Variants in SYTL5 observed in about 807,000 individuals in gnomAD.
SYTL5 encodes synaptotagmin like 5.
A neutral mutation model predicts 55.9 loss-of-function variants in SYTL5; 34 were observed. That is an observed-to-expected ratio of 0.61 (90% CI 0.46 to 0.81). The LOEUF (loss-of-function observed/expected upper bound fraction) is 0.81. SYTL5 is among the 30% of genes least tolerant of loss of function. The pLI is 0.00. For missense variants in SYTL5, 637 were observed against 546.7 expected (o/e 1.17, Z -1.65); for synonymous variants, 221 against 188.7 (o/e 1.17, Z -1.40).
intron 3 of SYTL5, among the ~76,000 whole-genome samples, chrX:38,060,216 T>C (rs1439029658): frequency 8.9e-6 from 1 of 112,137 alleles, no homozygotes; most frequent in Non-Finnish European, 1.9e-5. Flanking sequence ...GTACGGATGA[T>C]AACTAGAGGC....
intron 1 of SYTL5, among the ~76,000 whole-genome samples, chrX:38,008,475 G>T (rs929334836): frequency 1.8e-5 from 2 of 111,517 alleles, no homozygotes; most frequent in African/African-American, 6.5e-5. Context: ...CAGCAAAAAA[G>T]CAGATGGTGC....
At chrX:38,111,712 G>A (rs1453882854) in intron 13 of SYTL5, among the ~76,000 whole-genome samples, 1 of 112,107 alleles carries the variant, frequency 8.9e-6, no homozygotes, top group Non-Finnish European at 1.9e-5. Flanking sequence ...CAGAAGAGGA[G>A]AGTTCCTCCT....
chrX:38,024,430 A>C (rs780885101), intron 1 of SYTL5, among the ~76,000 whole-genome samples: 4 of 110,873 alleles, frequency 3.6e-5, no homozygotes, highest in Admixed American at 9.6e-5. Context: ...CTTTTTTTTT[A>C]AATAAATTAC....
At chrX:37,947,535 T>A in the SYTL5 span, among the ~76,000 whole-genome samples, 1 of 112,120 alleles carries the variant, frequency 8.9e-6, no homozygotes, top group East Asian at 2.8e-4. Context: ...TGCGGAACTG[T>A]GAGTCATGTA....
chrX:37,964,240 C>A, the SYTL5 span, among the ~76,000 whole-genome samples: 4 of 111,804 alleles, frequency 3.6e-5, no homozygotes, highest in South Asian at 3.8e-4. Context: ...AGAGAGCAGA[C>A]CTTCACTAGA....
chrX:38,045,565 A>C (rs1480130406), intron 2 of SYTL5, among the ~76,000 whole-genome samples: 1 of 111,836 alleles, frequency 8.9e-6, no homozygotes, highest in Non-Finnish European at 1.9e-5. Context: ...TAATATCAGG[A>C]AGTTTCTTCT....
At chrX:38,087,127 C>T (rs970055376) in intron 6 of SYTL5, among the ~76,000 whole-genome samples, 2 of 111,322 alleles carry the variant, frequency 1.8e-5, no homozygotes, top group African/African-American at 6.5e-5. Flanking sequence ...CAAGCAGAAA[C>T]ACCCACATGA....
intron 10 of SYTL5, chrX:38,103,010 G>A (rs1937120023): frequency 8.9e-7 from 1 of 1,125,044 alleles, no homozygotes; most frequent in Non-Finnish European, 1.2e-6. Context: ...TTGATCTTTG[G>A]ATGACTTCTC....
At chrX:37,936,975 G>A in the SYTL5 span, among the ~76,000 whole-genome samples, 2 of 107,481 alleles carry the variant, frequency 1.9e-5, no homozygotes, top group African/African-American at 6.8e-5. Flanking sequence ...GCTTGAACCC[G>A]GGAGGCGAAG....
chrX:38,077,591 T>C (rs1172007334), intron 6 of SYTL5, among the ~76,000 whole-genome samples: 2 of 110,913 alleles, frequency 1.8e-5, no homozygotes, highest in Non-Finnish European at 3.8e-5. Flanking sequence ...TCATGGTGAC[T>C]CTCCATAGCT....
At chrX:38,094,516 C>G (rs1317140016) in intron 8 of SYTL5, 92 bp downstream of exon 8, 5 of 982,477 alleles carry the variant, frequency 5.1e-6, no homozygotes, top group Non-Finnish European at 6.9e-6. Flanking sequence ...GATGTTTCAT[C>G]CTTTAAAAAA....
the SYTL5 span, among the ~76,000 whole-genome samples, chrX:37,906,774 T>C: frequency 2.9e-4 from 33 of 112,297 alleles, no homozygotes; most frequent in Non-Finnish European, 9.4e-5. Flanking sequence ...TAGAAGACTA[T>C]TGCTGGTTTT....
At chrX:38,025,466 T>C (rs1191990883) in intron 1 of SYTL5, among the ~76,000 whole-genome samples, 1 of 112,000 alleles carries the variant, frequency 8.9e-6, no homozygotes, top group Non-Finnish European at 1.9e-5. Flanking sequence ...CCACATCTTT[T>C]TGATAATCAG....
chrX:38,049,093 TA>T (rs1480765261), intron 2 of SYTL5, among the ~76,000 whole-genome samples: 1 of 111,222 alleles, frequency 9.0e-6, no homozygotes, highest in African/African-American at 3.3e-5. Context: ...GCTGTGACAT[TA>T]TTCTGCCCGC....
chrX:38,071,263 G>A (rs969403519), intron 3 of SYTL5, among the ~76,000 whole-genome samples: 1 of 111,699 alleles, frequency 9.0e-6, no homozygotes, highest in East Asian at 2.8e-4. Context: ...AGCATTTCAG[G>A]AGGGAAGATG....
chrX:37,893,664 A>ATATATATAATCTATAGATAAACTATAGAT, the SYTL5 span, among the ~76,000 whole-genome samples: 1 of 57,117 alleles, frequency 1.8e-5, no homozygotes, highest in African/African-American at 1.9e-4. Flanking sequence ...TATAAAATCT[A>ATATATATAATCTATAGATAAACTATAGAT]TATATATAAT....
At chrX:37,997,574 C>A in the SYTL5 span, among the ~76,000 whole-genome samples, 3 of 112,666 alleles carry the variant, frequency 2.7e-5, no homozygotes, top group African/African-American at 9.7e-5. Context: ...GCTGACACAC[C>A]AGTTCCCTGC....
the SYTL5 span, among the ~76,000 whole-genome samples, chrX:37,987,254 G>T: frequency 3.6e-5 from 4 of 111,685 alleles, no homozygotes; most frequent in Admixed American, 3.8e-4. Flanking sequence ...TTGTCCTCTG[G>T]CTACTTTTTG....
intron 2 of SYTL5, among the ~76,000 whole-genome samples, chrX:38,049,552 A>T (rs5964291): frequency 0.41 from 44,475 of 109,659 alleles, 8,859 homozygotes; most frequent in African/African-American, 0.76. Context: ...TCCCAGCTTC[A>T]GGAAAAAGAG....
Sources: allele counts gnomAD v4.1 joint callset (sites outside exome capture counted in the v4.1 genomes callset), GRCh38; gene constraint gnomAD v4.1.1; transcripts MANE v1.5; gene names NCBI Gene and HGNC (gene_info 2026-07-23, HGNC 2026-07-21).